The following TMPRSS7 variants were observed in gnomAD, a reference collection of about 807,000 sequenced individuals.
The protein encoded by TMPRSS7 is transmembrane serine protease 7.
In TMPRSS7, 81 loss-of-function variants were observed where a neutral mutation model predicts 95.6. The ratio of observed to expected loss-of-function variants is 0.85; its 90% confidence interval spans 0.71 to 1.02. TMPRSS7 has a LOEUF of 1.02. Ranked by LOEUF, TMPRSS7 falls within the 50% of genes least tolerant of loss-of-function variation. The pLI is 0.00. For missense variants in TMPRSS7, 945 were observed against 955.2 expected (o/e 0.99, Z 0.14); for synonymous variants, 364 against 337.8 (o/e 1.08, Z -0.85).
intron 9 of TMPRSS7, among the ~76,000 whole-genome samples, chr3:112,051,981 A>G (rs1559956088): frequency 6.6e-6 from 1 of 152,180 alleles, no homozygotes; most frequent in East Asian, 1.9e-4. Flanking sequence ...GATTCCAGAT[A>G]CTGGGGATCC....
chr3:112,079,638 T>A (rs73856356), intron 17 of TMPRSS7, among the ~76,000 whole-genome samples: 1,814 of 152,270 alleles, frequency 0.012, 43 homozygotes, highest in East Asian at 0.065. Context: ...AAAGATTGCA[T>A]ACTCCTGATT....
intron 13 of TMPRSS7, among the ~76,000 whole-genome samples, chr3:112,070,748 A>G (rs894982699): frequency 1.4e-4 from 22 of 152,146 alleles, no homozygotes; most frequent in African/African-American, 5.1e-4. Context: ...GGTCTCCTGA[A>G]TACAGCACAC....
At chr3:112,047,363 C>T (rs113185800) in intron 6 of TMPRSS7, 90 of 581,506 alleles carry the variant, frequency 1.5e-4, no homozygotes, top group African/African-American at 1.3e-3. Context: ...ATTTTCTAAA[C>T]CATGATGAAA....
exon 9 of TMPRSS7, chr3:112,050,765 G>A: frequency 1.3e-6 from 2 of 1,596,102 alleles, no homozygotes; most frequent in South Asian, 1.1e-5. Context: ...CAAAATGCAA[G>A]TGTACCTGGA....
chr3:112,041,864 C>T (rs1230429692), intron 2 of TMPRSS7, 56 bp from the exon 3 acceptor site: 3 of 1,185,624 alleles, frequency 2.5e-6, no homozygotes, highest in Non-Finnish European at 3.7e-6. Context: ...TCAGACAATT[C>T]CTTACTGCCA....
intron 3 of TMPRSS7, among the ~76,000 whole-genome samples, chr3:112,042,415 T>C (rs1005144574): frequency 1.3e-5 from 2 of 152,226 alleles, no homozygotes; most frequent in Non-Finnish European, 2.9e-5. Flanking sequence ...CTTGATGCCC[T>C]GGCAATCTCT....
At chr3:112,053,204 C>A (rs545237490) in intron 9 of TMPRSS7, among the ~76,000 whole-genome samples, 5 of 150,074 alleles carry the variant, frequency 3.3e-5, no homozygotes, top group Admixed American at 2.0e-4. Flanking sequence ...AACTCGATGA[C>A]TTAAGTAACA....
intron 2 of TMPRSS7, among the ~76,000 whole-genome samples, chr3:112,041,712 A>G (rs1327929705): frequency 2.0e-5 from 3 of 152,222 alleles, no homozygotes; most frequent in African/African-American, 7.2e-5. Context: ...CAGAGTGGAC[A>G]GAAGGAATAT....
intron 13 of TMPRSS7, 119 bp from the exon 14 acceptor site, chr3:112,074,177 A>C (rs1381268252): frequency 2.9e-6 from 2 of 682,916 alleles, no homozygotes; most frequent in African/African-American, 3.6e-5. Context: ...CCAGAGCAGC[A>C]AATACCAATC....
At chr3:112,076,854 T>C (rs777023214) in intron 15 of TMPRSS7, 22 bp from the exon 16 acceptor site, 1 of 1,607,720 alleles carries the variant, frequency 6.2e-7, no homozygotes, top group Non-Finnish European at 8.5e-7. Context: ...GCTAACTTTA[T>C]GTTTCATTAC....
intron 17 of TMPRSS7, among the ~76,000 whole-genome samples, chr3:112,079,565 G>T (rs2073753535): frequency 6.6e-6 from 1 of 152,060 alleles, no homozygotes; most frequent in Admixed American, 6.6e-5. Context: ...GTTATCATTA[G>T]TGTTCGTACA....
At chr3:112,048,851 G>C (rs916719669) in intron 7 of TMPRSS7, among the ~76,000 whole-genome samples, 5 of 152,104 alleles carry the variant, frequency 3.3e-5, no homozygotes, top group African/African-American at 9.7e-5. Flanking sequence ...TCAGCAAAAT[G>C]CTATGAGGAG....
exon 2 of TMPRSS7, chr3:112,038,161 A>G: frequency 1.4e-6 from 1 of 702,966 alleles, no homozygotes; most frequent in Non-Finnish European, 2.6e-6. Context: ...TACCATTGCC[A>G]GGAAGACGAC....
chr3:112,051,214 C>G (rs1385374045), intron 9 of TMPRSS7, among the ~76,000 whole-genome samples: 1 of 151,974 alleles, frequency 6.6e-6, no homozygotes, highest in Admixed American at 6.6e-5. Context: ...AAACATTTTA[C>G]AAACAGACAC....
chr3:112,041,732 C>T (rs1042555462), intron 2 of TMPRSS7, among the ~76,000 whole-genome samples, 188 bp from the exon 3 acceptor site: 6 of 152,114 alleles, frequency 3.9e-5, no homozygotes, highest in East Asian at 1.9e-4. Flanking sequence ...TTCTGAGATA[C>T]GGTTATTTGC....
chr3:112,080,790 G>T, intron 17 of TMPRSS7, 124 bp from the exon 18 acceptor site: 1 of 872,896 alleles, frequency 1.1e-6, no homozygotes, highest in Non-Finnish European at 1.7e-6. Context: ...AAATTACAGA[G>T]TGATTAGCCA....
chr3:112,063,432 TA>T, intron 11 of TMPRSS7, 92 bp from the exon 12 acceptor site: 2 of 926,094 alleles, frequency 2.2e-6, no homozygotes, highest in Non-Finnish European at 3.5e-6. Flanking sequence ...GCCAACTCCC[TA>T]ACCACTTCAC....
chr3:112,045,627 A>C (rs2073269199), intron 4 of TMPRSS7, 123 bp from the exon 5 acceptor site: 1 of 896,650 alleles, frequency 1.1e-6, no homozygotes, highest in African/African-American at 1.7e-5. Context: ...TGACTACCTA[A>C]AGAAGGGAGC....
chr3:112,041,141 A>G (rs2073202629), intron 2 of TMPRSS7, among the ~76,000 whole-genome samples: 1 of 152,108 alleles, frequency 6.6e-6, no homozygotes, highest in South Asian at 2.1e-4. Context: ...AAAACCAAAA[A>G]ACAACTGTTG....
Sources: gnomAD v4.1 joint callset for allele counts (sites outside exome capture counted in the v4.1 genomes callset) on GRCh38, gnomAD v4.1.1 for gene constraint, MANE v1.5 for transcripts, NCBI Gene and HGNC (gene_info 2026-07-23, HGNC 2026-07-21) for gene names.